Variants in NTM observed in about 807,000 individuals in gnomAD.
NTM encodes IgLON family member 2.
NTM carries 13 observed loss-of-function variants against 42.1 expected under a neutral mutation model. That is an observed-to-expected ratio of 0.31 (90% CI 0.20 to 0.49). The LOEUF (loss-of-function observed/expected upper bound fraction) is 0.49, where lower values mean the gene tolerates loss of function less well. NTM is among the 20% of genes least tolerant of loss of function. NTM has a pLI of 0.99. For synonymous variants in NTM, 187 were observed against 179.2 expected (o/e 1.04, Z -0.35); for missense variants, 373 against 452.8 (o/e 0.82, Z 1.60).
chr11:131,592,846 G>T (rs748530266), intron 1 of NTM, among the ~76,000 whole-genome samples: 1 of 152,120 alleles, frequency 6.6e-6, no homozygotes, highest in South Asian at 2.1e-4. Context: ...TCCCCACAAT[G>T]CTGGGCTCAG....
intron 2 of NTM, among the ~76,000 whole-genome samples, chr11:132,130,631 C>T (rs1279074040): frequency 6.6e-6 from 1 of 152,216 alleles, no homozygotes; most frequent in Non-Finnish European, 1.5e-5. Context: ...CACAGTTCTA[C>T]ACCACTTTCT....
intron 7 of NTM, among the ~76,000 whole-genome samples, chr11:132,320,760 A>T (rs1177936503): frequency 1.3e-5 from 2 of 151,912 alleles, no homozygotes; most frequent in Non-Finnish European, 2.9e-5. Flanking sequence ...TAACCTCTGC[A>T]GACTTAAATG....
chr11:131,965,136 C>T (rs181570472), intron 2 of NTM, among the ~76,000 whole-genome samples: 150 of 152,058 alleles, frequency 9.9e-4, no homozygotes, highest in African/African-American at 3.2e-3. Flanking sequence ...GCTCCGAAAA[C>T]GATGAAGTGC....
rs529335590 is a variant in NTM at position 131,977,017 on chromosome 11, C to T, written c.167+65369C>T. 2.7e-5 allele frequency among the ~76,000 whole-genome samples: 4 copies of T among 148,230 alleles called. No individual in the cohort carries two copies. The East Asian group carries it at 7.9e-4, about 29-fold the overall frequency. On this transcript the variant is annotated intron_variant, in intron 2 of 8. Transcript: ENST00000683400. ...CTCATGAGCACAGGGGTGACCAGCC[C>T]CACCAGTCCTAGATGCTGAAGATAA...
chr11:131,554,316 G>T (rs959426102), intron 1 of NTM, among the ~76,000 whole-genome samples: 3 of 152,148 alleles, frequency 2.0e-5, no homozygotes, highest in Non-Finnish European at 2.9e-5. Flanking sequence ...TTTCAGTGAT[G>T]AACCTGTGAT....
intron 2 of NTM, among the ~76,000 whole-genome samples, chr11:131,971,692 A>G (rs2063549428): frequency 6.6e-6 from 1 of 151,894 alleles, no homozygotes; most frequent in South Asian, 2.1e-4. Context: ...AAACTGATAT[A>G]TTAAAATGAC....
intron 2 of NTM, among the ~76,000 whole-genome samples, chr11:132,032,090 C>G (rs369692764): frequency 6.6e-6 from 1 of 152,166 alleles, no homozygotes; most frequent in East Asian, 1.9e-4. Flanking sequence ...CTGCACACAT[C>G]CCAAGTGGAC....
At chr11:131,539,388 G>A (rs1565616362) in intron 1 of NTM, 1 of 152,308 alleles carries the variant, frequency 6.6e-6, no homozygotes, top group Non-Finnish European at 1.5e-5. Context: ...GTAGGCGAAT[G>A]TGAATGGGGA....
At chr11:131,935,976 C>T (rs921349863) in intron 2 of NTM, among the ~76,000 whole-genome samples, 1 of 151,554 alleles carries the variant, frequency 6.6e-6, no homozygotes, top group Non-Finnish European at 1.5e-5. Flanking sequence ...ATTGCAATAA[C>T]TAAGAGTGAT....
intron 1 of NTM, among the ~76,000 whole-genome samples, chr11:131,519,161 A>G (rs375718101): frequency 1.3e-5 from 2 of 152,256 alleles, no homozygotes; most frequent in Admixed American, 6.5e-5. Context: ...AGAAGCCCTG[A>G]GTTTCAAATT....
At chr11:131,856,379 A>T (rs1029924099) in intron 1 of NTM, among the ~76,000 whole-genome samples, 7 of 152,184 alleles carry the variant, frequency 4.6e-5, no homozygotes, top group Admixed American at 4.6e-4. Flanking sequence ...TTTTTCAACG[A>T]ATAATACTCA....
intron 1 of NTM, among the ~76,000 whole-genome samples, chr11:131,456,580 G>GT (rs113319963): frequency 6.6e-6 from 1 of 152,068 alleles, no homozygotes; most frequent in African/African-American, 2.4e-5. Flanking sequence ...AGCTTGCAAA[G>GT]AGGGGGTTCA....
intron 1 of NTM, among the ~76,000 whole-genome samples, chr11:131,816,403 G>A (rs980785391): frequency 6.6e-6 from 1 of 152,098 alleles, no homozygotes; most frequent in Non-Finnish European, 1.5e-5. Context: ...CCGTGGAAGA[G>A]GGGAAATGAT....
At chr11:131,827,668 C>G (rs916777731) in intron 1 of NTM, among the ~76,000 whole-genome samples, 2 of 152,146 alleles carry the variant, frequency 1.3e-5, no homozygotes, top group African/African-American at 4.8e-5. Flanking sequence ...AATCCAAGAT[C>G]AGGAAGTCAA....
chr11:132,166,172 G>C (rs780526223), intron 3 of NTM, among the ~76,000 whole-genome samples: 9 of 152,094 alleles, frequency 5.9e-5, no homozygotes, highest in Non-Finnish European at 1.2e-4. Context: ...CTCAGCAAAA[G>C]TGCCATATAA....
intron 1 of NTM, chr11:131,671,349 A>G (rs969717431): frequency 3.5e-6 from 3 of 857,920 alleles, no homozygotes; most frequent in Non-Finnish European, 4.2e-6. Flanking sequence ...CCATCACTGC[A>G]CACTTTATTT....
chr11:131,419,808 G>A (rs944192249), intron 1 of NTM, among the ~76,000 whole-genome samples: 5 of 152,312 alleles, frequency 3.3e-5, no homozygotes, highest in South Asian at 2.1e-4. Flanking sequence ...AGCAGATGTC[G>A]GGAGGCCATT....
In NTM at chr11:132,136,363, G is replaced by A. The variant is rs553726796; in HGVS notation, c.168-9919G>A. On this transcript the variant is annotated intron_variant, in intron 2 of 8. Coordinates refer to ENST00000683400, the MANE Select transcript of NTM (RefSeq NM_001352005.2). ...CAAAGGTGAGAGGATGTGTTGCCAA[G>A]GTCACTTAGTGAGAGAACAGACAAG... is the stretch of plus-strand genomic sequence containing the variant. Among the ~76,000 whole-genome samples the A allele has an allele frequency of 4.6e-5, 7 of 152,322 alleles. No homozygotes were observed. The East Asian group carries it at 1.2e-3, about 25-fold the overall frequency.
chr11:131,434,891 T>A (rs112725966), intron 1 of NTM, among the ~76,000 whole-genome samples: 3,926 of 152,316 alleles, frequency 0.026, 169 homozygotes, highest in African/African-American at 0.088. Flanking sequence ...TGGTATTGCC[T>A]AGGATTTCTT....
Sources: allele counts gnomAD v4.1 joint callset (sites outside exome capture counted in the v4.1 genomes callset), GRCh38; gene constraint gnomAD v4.1.1; transcripts MANE v1.5; gene names NCBI Gene and HGNC (gene_info 2026-07-23, HGNC 2026-07-21).